UGCG: variants seen among roughly 807,000 people sequenced by gnomAD.
UGCG encodes the protein UDP-glucose ceramide glucosyltransferase.
In UGCG, 10 loss-of-function variants were observed where a neutral mutation model predicts 49.5. The ratio of observed to expected loss-of-function variants is 0.20; its 90% confidence interval spans 0.12 to 0.34. UGCG has a LOEUF of 0.34. Among genes scored for constraint, UGCG ranks in the 10% least tolerant of loss-of-function variants. The pLI is 1.00. For synonymous variants in UGCG, 182 were observed against 158.2 expected (o/e 1.15, Z -1.13); for missense variants, 312 against 483.7 (o/e 0.65, Z 3.33).
chr9:111,908,094 G>A (rs554340066), intron 1 of UGCG, among the ~76,000 whole-genome samples: 1 of 152,126 alleles, frequency 6.6e-6, no homozygotes. Context: ...TGAAGGCTTG[G>A]GGGGTGGGTG....
At chr9:111,900,245 C>A (rs1219451663) in intron 1 of UGCG, among the ~76,000 whole-genome samples, 1 of 151,822 alleles carries the variant, frequency 6.6e-6, no homozygotes, top group African/African-American at 2.4e-5. Context: ...AGCCACGTTG[C>A]TGCGTGATGA....
At chr9:111,906,361 C>T (rs1837882760) in intron 1 of UGCG, among the ~76,000 whole-genome samples, 1 of 152,128 alleles carries the variant, frequency 6.6e-6, no homozygotes, top group Non-Finnish European at 1.5e-5. Flanking sequence ...TGGCTAAACT[C>T]CTTGATTCTG....
rs1838380377 is a variant in UGCG at position 111,929,376 on chromosome 9, A to G, written c.559-124A>G. The G allele has an allele frequency of 1.4e-5, 14 of 979,354 alleles. No homozygotes were observed. In the East Asian group the frequency reaches 3.7e-4, roughly 26 times the overall value. The allele number at this position is 979,354 out of a possible 1,614,324, so 60.7% of individuals were successfully genotyped here. On this transcript the variant is annotated intron_variant, in intron 5 of 8. Transcript: ENST00000374279. Reference sequence around the variant, plus strand: ...CTACCACTTTTTATTCAGGTAGTCTACGTAAGAATAATAAGATATTCACTC... The same window carrying G: ...CTACCACTTTTTATTCAGGTAGTCTGCGTAAGAATAATAAGATATTCACTC...
chr9:111,924,871 A>T lies in UGCG; in HGVS notation c.438A>T (p.Gly146=). 1.4e-6 allele frequency: 2 copies of T among 1,474,756 alleles called. No homozygotes were observed. Among genetic ancestry groups the T allele is most frequent in the Non-Finnish European group, 1.8e-6 (2 of 1,115,126 alleles). 91.4% of individuals were successfully genotyped at this position (1,474,756 alleles called of 1,614,324 possible). Residue 146 remains glycine, a synonymous_variant, in exon 4 of 9, where the codon GGA becomes GGT. Transcript: ENST00000374279. The part of the protein sequence containing the change: ...KYDLIWICDS[G]IRVIPDTLTD... ...ATCTTATATGGATTTGTGATAGTGGAATAAGAGGTGAGGTTTTTTTCTTAT... is the reference window on the plus strand; with the variant it reads ...ATCTTATATGGATTTGTGATAGTGGTATAAGAGGTGAGGTTTTTTTCTTAT...
rs1838463943 is a variant in UGCG at position 111,933,492 on chromosome 9, G to T, written c.*495G>T. 1 of 152,120 alleles carries T rather than the reference G, an allele frequency of 6.6e-6. No individual in the cohort carries two copies. 9.4% of individuals were successfully genotyped at this position (152,120 alleles called of 1,614,324 possible). On this transcript the variant is annotated 3_prime_UTR_variant, in exon 9 of 9. Coordinates refer to ENST00000374279, the MANE Select transcript of UGCG (RefSeq NM_003358.3). ...AACAACACATGGCGAGGTACTAACT[G>T]AGAAACTTTTTCATGCTTTATGCCT... is the stretch of plus-strand genomic sequence containing the variant.
At chr9:111,907,019 T>C (rs1837898375) in intron 1 of UGCG, among the ~76,000 whole-genome samples, 1 of 152,182 alleles carries the variant, frequency 6.6e-6, no homozygotes, top group Admixed American at 6.5e-5. Context: ...GTGAATCACC[T>C]AGAGATCTTG....
At chr9:111,929,767 T>C (rs1838387665) in intron 6 of UGCG, 89 bp downstream of exon 6, 1 of 1,460,858 alleles carries the variant, frequency 6.8e-7, no homozygotes, top group South Asian at 1.3e-5. Flanking sequence ...TAGGGCTTTT[T>C]AATTTAATTT....
intron 2 of UGCG, among the ~76,000 whole-genome samples, chr9:111,920,910 GT>G (rs558483234): frequency 2.7e-5 from 4 of 146,168 alleles, no homozygotes; most frequent in Admixed American, 1.4e-4. Flanking sequence ...TCGTCGTTTT[GT>G]TTTTTTTTTG....
chr9:111,932,612 G>C (rs62570279), intron 8 of UGCG, among the ~76,000 whole-genome samples: 2,799 of 152,220 alleles, frequency 0.018, 37 homozygotes, highest in Non-Finnish European at 0.029. Context: ...AGTGAGTATT[G>C]AAACTAATAA....
At chr9:111,900,247 G>A (rs1032657789) in intron 1 of UGCG, among the ~76,000 whole-genome samples, 8 of 151,918 alleles carry the variant, frequency 5.3e-5, no homozygotes, top group African/African-American at 1.9e-4. Flanking sequence ...CCACGTTGCT[G>A]CGTGATGAAG....
At chr9:111,926,267 TAATG>T in intron 4 of UGCG, 113 bp from the exon 5 acceptor site, 1 of 611,752 alleles carries the variant, frequency 1.6e-6, no homozygotes, top group Non-Finnish European at 2.8e-6. Context: ...ATGTTTAAAA[TAATG>T]TATTTTATTA....
At chr9:111,924,991 T>C in intron 4 of UGCG, 113 bp downstream of exon 4, 1 of 481,156 alleles carries the variant, frequency 2.1e-6, no homozygotes. Flanking sequence ...GAGTAATTTA[T>C]TTCATCATCA....
At chr9:111,914,443 T>C (rs1838074331) in intron 1 of UGCG, among the ~76,000 whole-genome samples, 162 bp from the exon 2 acceptor site, 1 of 152,250 alleles carries the variant, frequency 6.6e-6, no homozygotes, top group Admixed American at 6.5e-5. Flanking sequence ...AAGCCATGCT[T>C]ACCTGGTTCT....
intron 2 of UGCG, among the ~76,000 whole-genome samples, chr9:111,919,808 A>AAG (rs1443155605): frequency 6.6e-6 from 1 of 151,856 alleles, no homozygotes; most frequent in African/African-American, 2.4e-5. Flanking sequence ...AAAAAAAAAA[A>AAG]AAAAGAAACT....
intron 1 of UGCG, among the ~76,000 whole-genome samples, chr9:111,910,947 A>G (rs1427621149): frequency 1.3e-5 from 2 of 152,094 alleles, no homozygotes; most frequent in African/African-American, 2.4e-5. Context: ...GAGTTTCACC[A>G]TGTTGACCAG....
At chr9:111,913,097 T>C (rs1838046117) in intron 1 of UGCG, among the ~76,000 whole-genome samples, 1 of 152,228 alleles carries the variant, frequency 6.6e-6, no homozygotes, top group African/African-American at 2.4e-5. Context: ...GATGCAAGTA[T>C]TTTTTGATCA....
chr9:111,906,854 AC>A (rs1256715232), intron 1 of UGCG, among the ~76,000 whole-genome samples: 1 of 152,186 alleles, frequency 6.6e-6, no homozygotes, highest in Non-Finnish European at 1.5e-5. Context: ...TTCTATAAAT[AC>A]AAAAATGATC....
chr9:111,912,844 C>G (rs1428392643), intron 1 of UGCG, among the ~76,000 whole-genome samples: 1 of 152,126 alleles, frequency 6.6e-6, no homozygotes, highest in Admixed American at 6.5e-5. Flanking sequence ...CCACCCTGTT[C>G]TTTAAATTTC....
chr9:111,926,115 T>C (rs1838308339), intron 4 of UGCG, among the ~76,000 whole-genome samples: 1 of 152,226 alleles, frequency 6.6e-6, no homozygotes, highest in South Asian at 2.1e-4. Context: ...GGGGTAACTT[T>C]TTCAAAGTAT....
Sources: gnomAD v4.1 joint callset for allele counts (sites outside exome capture counted in the v4.1 genomes callset) on GRCh38, gnomAD v4.1.1 for gene constraint, MANE v1.5 for transcripts, NCBI Gene and HGNC (gene_info 2026-07-23, HGNC 2026-07-21) for gene names.